PCSK5: variants seen among roughly 807,000 people sequenced by gnomAD.
The protein encoded by PCSK5 is proprotein convertase subtilisin/kexin type 5.
A neutral mutation model predicts 233.2 loss-of-function variants in PCSK5; 129 were observed. The observed-to-expected ratio is 0.55, with a 90% CI of 0.48 to 0.64. PCSK5 has a LOEUF of 0.64. PCSK5 is among the 30% of genes least tolerant of loss of function. The pLI is 0.00. For missense variants in PCSK5, 2,076 were observed against 2,430.1 expected, an observed-to-expected ratio of 0.85 and a Z score of 3.06; for synonymous variants, 825 against 879.2, an observed-to-expected ratio of 0.94 and a Z score of 1.09.
At chr9:76,264,194 A>G (rs1587817100) in intron 24 of PCSK5, among the ~76,000 whole-genome samples, 1 of 152,236 alleles carries the variant, frequency 6.6e-6, no homozygotes, top group Non-Finnish European at 1.5e-5. Context: ...ATTGACAAAA[A>G]TAAGCAATGG....
intron 2 of PCSK5, among the ~76,000 whole-genome samples, chr9:75,967,909 T>C (rs932905955): frequency 6.6e-6 from 1 of 152,160 alleles, no homozygotes; most frequent in Non-Finnish European, 1.5e-5. Context: ...ATTACAGGCA[T>C]GCGCCACCAC....
At chr9:76,029,670 A>C (rs1828574535) in intron 5 of PCSK5, among the ~76,000 whole-genome samples, 1 of 152,148 alleles carries the variant, frequency 6.6e-6, no homozygotes, top group Non-Finnish European at 1.5e-5. Flanking sequence ...GTACCCTCTA[A>C]TACCTATGAG....
intron 3 of PCSK5, among the ~76,000 whole-genome samples, chr9:76,000,427 C>T (rs576109562): frequency 5.3e-5 from 8 of 152,288 alleles, no homozygotes; most frequent in South Asian, 2.1e-4. Context: ...GTGATGTTAG[C>T]AGCTGCCATC....
chr9:76,091,285 C>G, intron 7 of PCSK5, among the ~76,000 whole-genome samples: 1 of 151,764 alleles, frequency 6.6e-6, no homozygotes, highest in East Asian at 1.9e-4. Flanking sequence ...TGGGTCTTTA[C>G]ATAGCCTTGC....
chr9:76,204,792 A>G (rs1825048651), intron 20 of PCSK5, among the ~76,000 whole-genome samples: 1 of 152,188 alleles, frequency 6.6e-6, no homozygotes. Flanking sequence ...ATACCGTGGC[A>G]CAGTTGAAGA....
At chr9:76,348,946 T>A (rs577958683) in intron 35 of PCSK5, among the ~76,000 whole-genome samples, 22 of 152,208 alleles carry the variant, frequency 1.4e-4, no homozygotes, top group African/African-American at 5.1e-4. Flanking sequence ...ATGTTAAAAA[T>A]TGAAGTAAGA....
At chr9:76,150,511 TAATCCCAG>T (rs1823626477) in intron 10 of PCSK5, among the ~76,000 whole-genome samples, 1 of 152,076 alleles carries the variant, frequency 6.6e-6, no homozygotes, top group African/African-American at 2.4e-5. Context: ...CACATGCTTG[TAATCCCAG>T]CTACTGGGGA....
At chr9:76,064,359 G>T (rs867127446) in intron 5 of PCSK5, among the ~76,000 whole-genome samples, 11,639 of 100,658 alleles carry the variant, frequency 0.12, 185 homozygotes, top group East Asian at 0.14. Flanking sequence ...CGGGCGGGGG[G>T]CTGACCCCCC....
intron 1 of PCSK5, among the ~76,000 whole-genome samples, chr9:75,902,489 A>G (rs922096226): frequency 1.3e-5 from 2 of 152,166 alleles, no homozygotes; most frequent in East Asian, 1.9e-4. Context: ...TGGTAGAAGC[A>G]GAAAGATGAG....
At chr9:76,114,739 A>T (rs1832357467) in intron 9 of PCSK5, among the ~76,000 whole-genome samples, 1 of 152,146 alleles carries the variant, frequency 6.6e-6, no homozygotes, top group African/African-American at 2.4e-5. Context: ...TATTCTTATT[A>T]CTATAATAAT....
intron 1 of PCSK5, 100 bp downstream of exon 1, chr9:75,891,473 T>C: frequency 1.0e-6 from 1 of 973,624 alleles, no homozygotes; most frequent in Non-Finnish European, 1.5e-6. Flanking sequence ...AGATGTGCTC[T>C]AGCAGCTGTT....
At chr9:75,923,653 C>T (rs1241695003) in intron 1 of PCSK5, among the ~76,000 whole-genome samples, 2 of 152,144 alleles carry the variant, frequency 1.3e-5, no homozygotes, top group Non-Finnish European at 2.9e-5. Context: ...GTGTTAGGTT[C>T]CTATTGCTGC....
intron 12 of PCSK5, among the ~76,000 whole-genome samples, chr9:76,166,068 ACAC>A: frequency 6.6e-6 from 1 of 152,364 alleles, no homozygotes; most frequent in African/African-American, 2.4e-5. Context: ...AAGTTAAAAC[ACAC>A]AACAATGTGT....
chr9:76,057,730 A>G (rs1032489778), intron 5 of PCSK5, among the ~76,000 whole-genome samples: 6 of 152,126 alleles, frequency 3.9e-5, no homozygotes, highest in Non-Finnish European at 7.3e-5. Flanking sequence ...TGGACTACAA[A>G]ACCAAGTTAG....
intron 2 of PCSK5, among the ~76,000 whole-genome samples, chr9:75,962,114 T>C (rs1015567239): frequency 1.5e-5 from 1 of 64,648 alleles, no homozygotes; most frequent in South Asian, 5.0e-4. Context: ...TGCAGGGTGG[T>C]GCTCAAGTAA....
At position 76,189,055 on chromosome 9, in the gene PCSK5, G is replaced by GT. The variant is rs1329450637; in HGVS notation, c.2381-35dup. On this transcript the variant is annotated intron_variant, in intron 18 of 37. Transcript: ENST00000674117. ...AGCCCATGACACCACCTCCTCTGAGGTTTTATTTCTCGTTTCCTGTGTTTG... is the reference window on the plus strand; with the variant it reads ...AGCCCATGACACCACCTCCTCTGAGGTTTTTATTTCTCGTTTCCTGTGTTTG... 4 of 1,604,306 alleles carry GT rather than the reference G, an allele frequency of 2.5e-6. No individual in the cohort carries two copies. In the African/African-American group the frequency reaches 5.4e-5, roughly 22 times the overall value.
intron 1 of PCSK5, among the ~76,000 whole-genome samples, chr9:75,921,889 T>A (rs1823274623): frequency 6.6e-6 from 1 of 152,238 alleles, no homozygotes; most frequent in Non-Finnish European, 1.5e-5. Context: ...AAGTTGAATG[T>A]TGAACCCAGT....
chr9:76,015,255 C>A (rs1391209604), intron 3 of PCSK5, among the ~76,000 whole-genome samples: 2 of 152,298 alleles, frequency 1.3e-5, no homozygotes, highest in African/African-American at 4.8e-5. Flanking sequence ...TTGTATTCCG[C>A]CCCTCAACAG....
At chr9:76,195,558 T>C (rs1356597344) in intron 20 of PCSK5, 1 of 152,148 alleles carries the variant, frequency 6.6e-6, no homozygotes, top group Non-Finnish European at 1.5e-5. Context: ...ACATAATGCT[T>C]TCAAAGTTTA....
Sources: allele counts gnomAD v4.1 joint callset (sites outside exome capture counted in the v4.1 genomes callset), GRCh38; gene constraint gnomAD v4.1.1; transcripts MANE v1.5; gene names NCBI Gene and HGNC (gene_info 2026-07-23, HGNC 2026-07-21).